Variants in CLSTN1 observed in about 807,000 individuals in gnomAD.
The protein encoded by CLSTN1 is calsyntenin-1.
Under a neutral mutation model 108.3 loss-of-function variants are expected in CLSTN1, and 28 were observed. The ratio of observed to expected loss-of-function variants is 0.26; its 90% CI spans 0.19 to 0.35. The LOEUF is 0.35. Among genes scored for constraint, CLSTN1 ranks in the 10% least tolerant of loss-of-function variants. The pLI, the probability that CLSTN1 is intolerant of heterozygous loss-of-function variation, is 1.00. For missense variants in CLSTN1, 1,157 were observed against 1,302.6 expected (o/e 0.89, Z 1.72); for synonymous variants, 524 against 534.9 (o/e 0.98, Z 0.28).
At chr1:9,814,510 T>C (rs1329413167) in intron 1 of CLSTN1, among the ~76,000 whole-genome samples, 2 of 152,214 alleles carry the variant, frequency 1.3e-5, no homozygotes. Flanking sequence ...TGTTTGAAGA[T>C]TGGGTAATTG....
intron 7 of CLSTN1, among the ~76,000 whole-genome samples, chr1:9,745,535 T>C (rs907668952): frequency 2.0e-5 from 3 of 151,730 alleles, no homozygotes; most frequent in African/African-American, 7.3e-5. Context: ...TGCATCCCTG[T>C]AGTCCCAGCT....
rs1428043008 is a variant in CLSTN1, at chr1:9,733,969, T to C, written c.2281+3A>G. 6.2e-7 allele frequency: 1 copy of C among 1,611,156 alleles called. No homozygotes were observed. Among genetic ancestry groups the C allele is most frequent in the Non-Finnish European group, 8.5e-7 (1 of 1,178,290 alleles). ...ACCTGCGTGGCTGCAGCGCTCCCCT[T>C]ACCTGTGAAGGTCATGCCCAGTTCA... On this transcript the variant is annotated splice_donor_region_variant and intron_variant, in intron 15 of 18. Coordinates refer to ENST00000377298, the MANE Select transcript of CLSTN1 (RefSeq NM_001009566.3).
chr1:9,777,875 G>A (rs938216228), intron 1 of CLSTN1, among the ~76,000 whole-genome samples: 2 of 152,106 alleles, frequency 1.3e-5, no homozygotes, highest in African/African-American at 4.8e-5. Context: ...CATCCTGCCA[G>A]GGTTTCAGGG....
At chr1:9,750,123 C>T (rs746317120) in intron 5 of CLSTN1, 72 of 514,354 alleles carry the variant, frequency 1.4e-4, no homozygotes, top group Non-Finnish European at 2.4e-4. Context: ...ACAGAAGAGA[C>T]GGAGCTACAC....
chr1:9,746,300 A>T (rs541258956), intron 7 of CLSTN1, among the ~76,000 whole-genome samples: 10 of 152,104 alleles, frequency 6.6e-5, no homozygotes, highest in East Asian at 5.8e-4. Flanking sequence ...AATTAAAAAA[A>T]TTTTTTTTTG....
intron 1 of CLSTN1, among the ~76,000 whole-genome samples, chr1:9,817,041 G>C (rs998342834): frequency 6.6e-6 from 1 of 152,192 alleles, no homozygotes; most frequent in East Asian, 1.9e-4. Context: ...CTTGTCATGG[G>C]AGAATCAGAC....
In CLSTN1 at chr1:9,771,920, CAT is replaced by C. The variant is rs201725809; in HGVS notation, c.214+1350_214+1351del. Among the ~76,000 whole-genome samples, 630 of 151,886 alleles carry C rather than the reference CAT, an allele frequency of 4.1e-3. 12 individuals are homozygous for C. The East Asian group carries it at 0.042, about 10-fold the overall frequency. On this transcript the variant is annotated intron_variant, in intron 2 of 18. Coordinates refer to ENST00000377298, the MANE Select transcript of CLSTN1 (RefSeq NM_001009566.3). ...CTTCAACTTACTATAGTAAAATTAA[CAT>C]ATGTTTCATACAAATTCATCCAATT...
Position 9,731,385 on chromosome 1 carries a change from G to GGACGACTGT in CLSTN1, c.2564-4_2568dup (p.Val856_Pro857insThrValVal). ...ACGATCACAACTGTCGCAGTGCTGG[G>GGACGACTGT]GACGACTGTGGGAGAATGAGGGGGC... On this transcript the variant is annotated inframe_insertion, in exon 18 of 19. Coordinates refer to ENST00000377298, the MANE Select transcript of CLSTN1 (RefSeq NM_001009566.3). 2 of 1,613,476 alleles carry GGACGACTGT rather than the reference G, an allele frequency of 1.2e-6. No homozygotes were observed. Among genetic ancestry groups the GGACGACTGT allele is most frequent in the Non-Finnish European group, 1.7e-6 (2 of 1,179,424 alleles).
At chr1:9,797,230 T>C (rs1654049199) in intron 1 of CLSTN1, among the ~76,000 whole-genome samples, 1 of 152,100 alleles carries the variant, frequency 6.6e-6, no homozygotes, top group Admixed American at 6.6e-5. Flanking sequence ...AAGAGGACCC[T>C]TGAGCCCACC....
chr1:9,812,703 G>A lies in CLSTN1; in HGVS notation c.91+10940C>T, dbSNP rs1243385589. ...CTCTACTAAAAATACAAAATTAGCCGGGCCAGTTGTGGTGCATGCCTGTAA... is the reference window on the plus strand; with the variant it reads ...CTCTACTAAAAATACAAAATTAGCCAGGCCAGTTGTGGTGCATGCCTGTAA... On this transcript the variant is annotated intron_variant, in intron 1 of 18. Transcript: ENST00000377298. 4.6e-5 allele frequency among the ~76,000 whole-genome samples: 7 copies of A among 151,686 alleles called. No individual in the cohort carries two copies. In the East Asian group the frequency reaches 5.8e-4, roughly 13 times the overall value.
intron 5 of CLSTN1, 194 bp from the exon 6 acceptor site, chr1:9,750,107 G>C: frequency 1.8e-6 from 1 of 546,512 alleles, no homozygotes; most frequent in South Asian, 2.2e-5. Flanking sequence ...ATCCTGAAGA[G>C]TTTCAACAGA....
intron 5 of CLSTN1, among the ~76,000 whole-genome samples, chr1:9,751,110 GA>G (rs755483223): frequency 2.5e-4 from 38 of 151,844 alleles, no homozygotes; most frequent in Admixed American, 1.8e-3. Flanking sequence ...ATGGAGAACA[GA>G]AAATGAGACA....
At chr1:9,818,961 T>TA (rs1553184447) in intron 1 of CLSTN1, among the ~76,000 whole-genome samples, 1 of 51,342 alleles carries the variant, frequency 1.9e-5, no homozygotes, top group Non-Finnish European at 9.5e-5. Context: ...TAATTTTTTG[T>TA]ATTTTTTTTT....
intron 5 of CLSTN1, among the ~76,000 whole-genome samples, 173 bp downstream of exon 5, chr1:9,751,300 G>C (rs1258677273): frequency 6.6e-6 from 1 of 152,136 alleles, no homozygotes; most frequent in Non-Finnish European, 1.5e-5. Flanking sequence ...AGTTGTCAGG[G>C]AACAAAGTAG....
chr1:9,771,615 A>AG (rs1413212768), intron 2 of CLSTN1, among the ~76,000 whole-genome samples: 1 of 152,114 alleles, frequency 6.6e-6, no homozygotes, highest in Non-Finnish European at 1.5e-5. Context: ...CTGTTTCAGG[A>AG]GAAAAAAAAA....
At chr1:9,776,850 A>T (rs1652972290) in intron 1 of CLSTN1, among the ~76,000 whole-genome samples, 1 of 108,962 alleles carries the variant, frequency 9.2e-6, no homozygotes, top group South Asian at 2.8e-4. Flanking sequence ...TTTATCTATC[A>T]TCTATCAGCA....
intron 10 of CLSTN1, among the ~76,000 whole-genome samples, chr1:9,739,810 G>A (rs1190567259): frequency 6.7e-6 from 1 of 149,234 alleles, no homozygotes; most frequent in Non-Finnish European, 1.5e-5. Context: ...GAGTGCAATA[G>A]GGCATTTTTT....
At chr1:9,776,885 T>TCTATCTAC in intron 1 of CLSTN1, among the ~76,000 whole-genome samples, 1 of 150,656 alleles carries the variant, frequency 6.6e-6, no homozygotes, top group South Asian at 2.1e-4. Context: ...TATCTATCTA[T>TCTATCTAC]CTATCTATCT....
At chr1:9,811,889 G>A (rs1317577362) in intron 1 of CLSTN1, among the ~76,000 whole-genome samples, 12 of 152,178 alleles carry the variant, frequency 7.9e-5, no homozygotes, top group Non-Finnish European at 1.5e-5. Context: ...TGTAATCACA[G>A]CACTTTGGGA....
Sources: allele counts gnomAD v4.1 joint callset (sites outside exome capture counted in the v4.1 genomes callset), GRCh38; gene constraint gnomAD v4.1.1; transcripts MANE v1.5; gene names NCBI Gene and HGNC (gene_info 2026-07-23, HGNC 2026-07-21).